Variants in TCF4 observed in about 807,000 individuals in gnomAD.
TCF4 encodes SL3-3 enhancer factor 2.
Under a neutral mutation model 82.1 loss-of-function variants are expected in TCF4, and 3 were observed. The observed-to-expected ratio is 0.04, with a 90% CI of 0.02 to 0.09. TCF4 has a LOEUF of 0.09. TCF4 is among the 10% of genes least tolerant of loss of function. TCF4 has a pLI of 1.00. For missense variants in TCF4, 518 were observed against 852.7 expected, an observed-to-expected ratio of 0.61 and a Z score of 4.89; for synonymous variants, 276 against 309.6, an observed-to-expected ratio of 0.89 and a Z score of 1.14.
chr18:55,617,005 T>C (rs1039224229), intron 2 of TCF4, among the ~76,000 whole-genome samples: 3 of 152,136 alleles, frequency 2.0e-5, no homozygotes, highest in African/African-American at 7.2e-5. Flanking sequence ...AATAAATCAT[T>C]GCCAAGACCA....
intron 15 of TCF4, among the ~76,000 whole-genome samples, chr18:55,236,871 A>G (rs1264785184): frequency 6.6e-6 from 1 of 152,244 alleles, no homozygotes; most frequent in African/African-American, 2.4e-5. Context: ...CTAAGTCAAA[A>G]TCACTGAAGG....
At chr18:55,375,257 CTT>C (rs1370137637) in intron 6 of TCF4, among the ~76,000 whole-genome samples, 1 of 151,658 alleles carries the variant, frequency 6.6e-6, no homozygotes, top group Non-Finnish European at 1.5e-5. Context: ...ACAAAATAGA[CTT>C]TTACTTCAGG....
chr18:55,283,214 A>G (rs572110570), intron 8 of TCF4, among the ~76,000 whole-genome samples: 2 of 152,026 alleles, frequency 1.3e-5, no homozygotes, highest in African/African-American at 4.8e-5. Context: ...TGGTAATCCA[A>G]GAAGTATTAC....
chr18:55,592,990 C>G (rs2097687226), upstream of TCF4, among the ~76,000 whole-genome samples: 1 of 152,178 alleles, frequency 6.6e-6, no homozygotes, highest in Non-Finnish European at 1.5e-5. Context: ...GGTGAGCTAA[C>G]CTAAGTACTT....
intron 3 of TCF4, among the ~76,000 whole-genome samples, chr18:55,508,659 T>C (rs921440573): frequency 3.3e-5 from 5 of 152,192 alleles, no homozygotes; most frequent in Admixed American, 2.0e-4. Flanking sequence ...AGCTGAGATT[T>C]AGAGCCAGAA....
At chr18:55,364,048 A>C (rs941472256) in intron 6 of TCF4, among the ~76,000 whole-genome samples, 2 of 152,210 alleles carry the variant, frequency 1.3e-5, no homozygotes, top group Non-Finnish European at 2.9e-5. Context: ...AATTAAAATA[A>C]GACAAATTTT....
chr18:55,269,816 A>G lies in TCF4; in HGVS notation c.922+15T>C, dbSNP rs550736172. 4 of 1,612,878 alleles carry G rather than the reference A, an allele frequency of 2.5e-6. No individual in the cohort carries two copies. In the Admixed American group the frequency reaches 5.0e-5, roughly 20 times the overall value. On this transcript the variant is annotated intron_variant, in intron 11 of 19. Coordinates refer to ENST00000354452, the MANE Select transcript of TCF4 (RefSeq NM_001083962.2). Reference sequence around the variant, plus strand: ...ACCAATTGTTGGTATCAGAATTGGCATTTCTGTGACTCACCCATTATACTG... The same window carrying G: ...ACCAATTGTTGGTATCAGAATTGGCGTTTCTGTGACTCACCCATTATACTG...
At chr18:55,427,008 T>C (rs544629530) in intron 5 of TCF4, among the ~76,000 whole-genome samples, 1 of 152,292 alleles carries the variant, frequency 6.6e-6, no homozygotes, top group East Asian at 1.9e-4. Flanking sequence ...TATTTTTTGG[T>C]CATAGATGAA....
At chr18:55,623,240 C>A (rs2097723271) in intron 2 of TCF4, among the ~76,000 whole-genome samples, 1 of 151,950 alleles carries the variant, frequency 6.6e-6, no homozygotes. Context: ...TAAAGAAATT[C>A]TTTGAGAAGT....
At chr18:55,533,255 C>A (rs1422634593) in intron 3 of TCF4, among the ~76,000 whole-genome samples, 1 of 152,186 alleles carries the variant, frequency 6.6e-6, no homozygotes, top group African/African-American at 2.4e-5. Context: ...CCACCTTCCC[C>A]CATTATTACA....
intron 8 of TCF4, among the ~76,000 whole-genome samples, chr18:55,342,362 A>T (rs2080173250): frequency 1.3e-5 from 2 of 152,146 alleles, no homozygotes; most frequent in Non-Finnish European, 2.9e-5. Flanking sequence ...TAAAAATAAA[A>T]TTCATATTAA....
intron 5 of TCF4, among the ~76,000 whole-genome samples, chr18:55,436,386 G>T (rs1185016239): frequency 6.6e-6 from 1 of 152,106 alleles, no homozygotes; most frequent in Non-Finnish European, 1.5e-5. Flanking sequence ...CTCAATAAAA[G>T]CAGGTTTTAA....
chr18:55,575,796 T>C (rs942688268), intron 3 of TCF4, among the ~76,000 whole-genome samples: 2 of 152,182 alleles, frequency 1.3e-5, no homozygotes, highest in African/African-American at 4.8e-5. Context: ...TTTCTATTTG[T>C]GATGTACTTC....
rs1555676454 is a variant in TCF4 at position 55,468,891 on chromosome 18, C to CA, written c.146-4755_146-4754insT. On this transcript the variant is annotated intron_variant, in intron 3 of 19. Transcript: ENST00000354452. ...ATCTATTTAGTTCTCGCCCCCCCCC[C>CA]CCTTGTTCTATTGCCACCCTTTTTC... Among the ~76,000 whole-genome samples, 97 of 127,796 alleles carry CA rather than the reference C, an allele frequency of 7.6e-4. 3 individuals are homozygous for CA. The highest frequency in any genetic ancestry group is 2.5e-3 in the African/African-American group (84 of 32,976). 83.8% of individuals were successfully genotyped at this position (127,796 alleles called of 152,430 possible). A position where few individuals can be genotyped will look rare whatever the true frequency, so the allele number is the denominator to read the frequency against.
At position 55,588,127 on chromosome 18, in the gene TCF4, C is replaced by G; in HGVS notation, c.-110G>C. 9.5e-7 allele frequency: 1 copy of G among 1,056,282 alleles called. No homozygotes were observed. The highest frequency in any genetic ancestry group is 1.1e-6 in the Non-Finnish European group (1 of 881,608). The allele number at this position is 1,056,282 out of a possible 1,614,324, so 65.4% of individuals were successfully genotyped here. A position where few individuals can be genotyped will look rare whatever the true frequency, so the allele number is the denominator to read the frequency against. On this transcript the variant is annotated 5_prime_UTR_variant, in exon 1 of 20. Coordinates refer to ENST00000354452, the MANE Select transcript of TCF4 (RefSeq NM_001083962.2). ...GCCGCCGCCACCGCCGCCGCCTGCTCCTGCGCCCGCTCCCGCGCCTGCTGC... is the reference window on the plus strand; with the variant it reads ...GCCGCCGCCACCGCCGCCGCCTGCTGCTGCGCCCGCTCCCGCGCCTGCTGC...
intron 3 of TCF4, among the ~76,000 whole-genome samples, chr18:55,492,453 AAAGAG>A (rs2096586552): frequency 1.3e-5 from 2 of 152,354 alleles, no homozygotes; most frequent in South Asian, 4.1e-4. Context: ...CAGTTCTAGA[AAAGAG>A]AAAAGTTGGG....
intron 6 of TCF4, chr18:55,401,925 C>A (rs1045053149): frequency 8.2e-6 from 7 of 855,768 alleles, no homozygotes; most frequent in Non-Finnish European, 9.8e-6. Context: ...CTCTAATGAC[C>A]TCCGCCTTGA....
At chr18:55,341,845 T>G (rs1238989509) in intron 8 of TCF4, among the ~76,000 whole-genome samples, 1 of 152,174 alleles carries the variant, frequency 6.6e-6, no homozygotes, top group Admixed American at 6.6e-5. Flanking sequence ...AATGCATGAC[T>G]TTCTCAAAAG....
chr18:55,609,233 G>A (rs1171442489), intron 2 of TCF4, among the ~76,000 whole-genome samples: 1 of 152,144 alleles, frequency 6.6e-6, no homozygotes, highest in Non-Finnish European at 1.5e-5. Context: ...TAAGATGGTC[G>A]GAGAAGGCTG....
Sources: allele counts gnomAD v4.1 joint callset (sites outside exome capture counted in the v4.1 genomes callset), GRCh38; gene constraint gnomAD v4.1.1; transcripts MANE v1.5; gene names NCBI Gene and HGNC (gene_info 2026-07-23, HGNC 2026-07-21).